EIF5: variants seen among roughly 807,000 people sequenced by gnomAD.
EIF5 encodes eukaryotic translation initiation factor 5.
EIF5 carries 10 observed loss-of-function variants against 48.3 expected under a neutral mutation model. The observed-to-expected ratio is 0.21, with a 90% CI of 0.13 to 0.35. The LOEUF is 0.35. Among genes scored for constraint, EIF5 ranks in the 10% least tolerant of loss-of-function variants. The pLI is 1.00. For synonymous variants in EIF5, 237 were observed against 173.1 expected, an observed-to-expected ratio of 1.37 and a Z score of -2.90; for missense variants, 397 against 533.2, an observed-to-expected ratio of 0.74 and a Z score of 2.51.
In EIF5 at chr14:103,342,018, C is replaced by G. The variant is rs536150108; in HGVS notation, c.*966C>G. Reference sequence around the variant, plus strand: ...TTCAGTGTGGCTTTAATTTTCCCCTCTTGCAGTTTGTTCTGTAATGCCTTT... The same window carrying G: ...TTCAGTGTGGCTTTAATTTTCCCCTGTTGCAGTTTGTTCTGTAATGCCTTT... On this transcript the variant is annotated 3_prime_UTR_variant, in exon 12 of 12. Transcript: ENST00000216554. 1.3e-5 allele frequency: 2 copies of G among 152,728 alleles called. No homozygotes were observed. Among genetic ancestry groups the G allele is most frequent in the East Asian group, 1.9e-4 (1 of 5,192 alleles). The allele number at this position is 152,728 out of a possible 1,614,324, so 9.5% of individuals were successfully genotyped here.
intron 2 of EIF5, 22 bp downstream of exon 2, chr14:103,334,619 C>CCAGGAGATGGCGGCCG (rs2089259778): frequency 1.3e-5 from 2 of 151,350 alleles, no homozygotes; most frequent in African/African-American, 4.9e-5. Context: ...GCGCGGCGGG[C>CCAGGAGATGGCGGCCG]CAGGAGATGG....
At position 103,341,077 on chromosome 14, in the gene EIF5, CA is replaced by C; in HGVS notation, c.*26del. The C allele has an allele frequency of 1.2e-6, 2 of 1,606,550 alleles. No homozygotes were observed. The highest frequency in any genetic ancestry group is 1.7e-6 in the Non-Finnish European group (2 of 1,173,856). On this transcript the variant is annotated 3_prime_UTR_variant, in exon 12 of 12. Coordinates refer to ENST00000216554, the MANE Select transcript of EIF5 (RefSeq NM_001969.5). The stretch of plus-strand genomic sequence containing the variant: ...AAGGGATGGATGCAACCTAGCTTAA[CA>C]GTATAATGCTGCAAATTTTCCTCCA...
rs2089377931 is a variant in EIF5 at position 103,343,527 on chromosome 14, T to A, written c.*2475T>A. 1 of 152,214 alleles carries A rather than the reference T, an allele frequency of 6.6e-6. No homozygotes were observed. Among genetic ancestry groups the A allele is most frequent in the African/African-American group, 2.4e-5 (1 of 41,454 alleles). 9.4% of individuals were successfully genotyped at this position (152,214 alleles called of 1,614,324 possible). On this transcript the variant is annotated 3_prime_UTR_variant, in exon 12 of 12. Coordinates refer to ENST00000216554, the MANE Select transcript of EIF5 (RefSeq NM_001969.5). Reference sequence around the variant, plus strand: ...TAAACAAGTGCATTCTGAAATTGACTTAAAAATTTTTAGTGTGGGTCCTAA... The same window carrying A: ...TAAACAAGTGCATTCTGAAATTGACATAAAAATTTTTAGTGTGGGTCCTAA...
chr14:103,341,963 C>G lies in EIF5; in HGVS notation c.*911C>G, dbSNP rs2089357851. The G allele has an allele frequency of 6.6e-6, 1 of 152,474 alleles. No homozygotes were observed. The highest frequency in any genetic ancestry group is 1.5e-5 in the Non-Finnish European group (1 of 67,968). 9.4% of individuals were successfully genotyped at this position (152,474 alleles called of 1,614,324 possible). ...TGCCCTTAGGGTTTAAATTACAATT[C>G]CAAAATGTTAGACATACTGTATTTT... On this transcript the variant is annotated 3_prime_UTR_variant, in exon 12 of 12. Transcript: ENST00000216554.
Position 103,336,081 on chromosome 14 carries a change from G to T in EIF5, c.118G>T (p.Val40Phe). The change falls in exon 4 of 12, where the codon GTT becomes TTT. Residue 40 changes from valine (V) to phenylalanine (F), a missense_variant. By Grantham distance (50) the Val-to-Phe change is conservative. Transcript: ENST00000216554. ...NGIKTVIVNMVDVAKALNRPP... is the reference protein window; with the variant it reads ...NGIKTVIVNMFDVAKALNRPP... ...AATCAAGACAGTTATAGTCAACATG[G>T]TTGACGTTGCAAAGGCGCTTAATCG... 1.9e-6 allele frequency: 3 copies of T among 1,614,168 alleles called. No individual in the cohort carries two copies. The highest frequency in any genetic ancestry group is 2.5e-6 in the Non-Finnish European group (3 of 1,180,032).
At chr14:103,339,566 C>T (rs535384715) in intron 9 of EIF5, 73 bp from the exon 10 acceptor site, 1,728 of 1,601,450 alleles carry the variant, frequency 1.1e-3, no homozygotes, top group Non-Finnish European at 1.4e-3. Context: ...TGCAGACACT[C>T]TTATTTGGGT....
Position 103,335,717 on chromosome 14 carries a change from C to G in EIF5, c.-144C>G. The G allele has an allele frequency of 1.3e-6, 1 of 787,806 alleles. No homozygotes were observed. Among genetic ancestry groups the G allele is most frequent in the Non-Finnish European group, 2.1e-6 (1 of 473,390 alleles). The allele number at this position is 787,806 out of a possible 1,614,324, so 48.8% of individuals were successfully genotyped here. A position where few individuals can be genotyped will look rare whatever the true frequency, so the allele number is the denominator to read the frequency against. ...TAGCATACAAGCAAGAAGCTTACAG[C>G]CTCAGTGGCGAAAATTTTTTCATGT... On this transcript the variant is annotated 5_prime_UTR_variant, in exon 3 of 12. Transcript: ENST00000216554.
intron 6 of EIF5, chr14:103,337,888 C>T: frequency 1.9e-6 from 1 of 521,444 alleles, no homozygotes; most frequent in Admixed American, 1.9e-5. Flanking sequence ...CTGTCTGACA[C>T]AATTTGAGCT....
chr14:103,342,680 A>G lies in EIF5; in HGVS notation c.*1628A>G, dbSNP rs2089367409. On this transcript the variant is annotated 3_prime_UTR_variant, in exon 12 of 12. Transcript: ENST00000216554. The stretch of plus-strand genomic sequence containing the variant: ...GAAACCTAGCAATCTTATTGGAGAG[A>G]CAAGAATTGGTCTCCAGCTGCCTTT... The G allele has an allele frequency of 6.5e-6, 1 of 152,680 alleles. No homozygotes were observed. The highest frequency in any genetic ancestry group is 6.5e-5 in the Admixed American group (1 of 15,286). 9.5% of individuals were successfully genotyped at this position (152,680 alleles called of 1,614,324 possible).
rs1329264952 is a variant in EIF5 at position 103,344,274 on chromosome 14, C to T, written c.*3222C>T. ...TCTGGTCTAGCCAAACAGTTTTTTT[C>T]TGGGAATCAAATTTCTGTGGTTTTT... On this transcript the variant is annotated 3_prime_UTR_variant, in exon 12 of 12. Transcript: ENST00000216554. 6.6e-6 allele frequency: 1 copy of T among 152,090 alleles called. No homozygotes were observed. The highest frequency in any genetic ancestry group is 2.4e-5 in the African/African-American group (1 of 41,412). 9.4% of individuals were successfully genotyped at this position (152,090 alleles called of 1,614,324 possible).
Position 103,344,182 on chromosome 14 carries a change from G to C in EIF5, c.*3130G>C, listed in dbSNP as rs995551310. 6.6e-6 allele frequency: 1 copy of C among 152,222 alleles called. No homozygotes were observed. The highest frequency in any genetic ancestry group is 2.4e-5 in the African/African-American group (1 of 41,448). The allele number at this position is 152,222 out of a possible 1,614,324, so 9.4% of individuals were successfully genotyped here. A position where few individuals can be genotyped will look rare whatever the true frequency, so the allele number is the denominator to read the frequency against. ...TTGCAGGTAGTCTCATTGTAGGTTT[G>C]TGCACCAGAGTGACCCTGTGAGCCT... On this transcript the variant is annotated 3_prime_UTR_variant, in exon 12 of 12. Transcript: ENST00000216554.
At chr14:103,338,951 G>C (rs752748168) in intron 8 of EIF5, 58 bp downstream of exon 8, 1 of 1,579,532 alleles carries the variant, frequency 6.3e-7, no homozygotes, top group Non-Finnish European at 8.6e-7. Context: ...TGTGCCTTTA[G>C]ATATATGATA....
In EIF5 at chr14:103,340,438, A is replaced by G. The variant is rs752190045; in HGVS notation, c.1083A>G (p.Lys361=). The G allele has an allele frequency of 2.5e-6, 4 of 1,601,828 alleles. No homozygotes were observed. Among genetic ancestry groups the G allele is most frequent in the Admixed American group, 3.3e-5 (2 of 59,852 alleles). The change falls in exon 11 of 12, where the codon AAA becomes AAG. Residue 361 remains lysine (K), a synonymous_variant. Transcript: ENST00000216554. The stretch of plus-strand genomic sequence containing the variant: ...CTCACATTTTTTAGGCCTCTAAGAA[A>G]TATGTCTCCAAAGAACTTGCCAAAG... ...IISWSEKASK[K]YVSKELAKEI...
At position 103,338,355 on chromosome 14, in the gene EIF5, AG is replaced by A; in HGVS notation, c.469del (p.Glu157LysfsTer70). 1 of 1,614,172 alleles carries A rather than the reference AG, an allele frequency of 6.2e-7. No homozygotes were observed. On this transcript the variant is annotated frameshift_variant, in exon 7 of 12. Transcript: ENST00000216554. LOFTEE classifies it high-confidence loss of function. ...ENSDSGTGKK[E>X]KEKKNRKGKD... ...ATAGTGACAGTGGTACAGGAAAGAA[AG>A]AAAAAGAAAAGAAAAACAGAAAGGG... is the stretch of plus-strand genomic sequence containing the variant.
At position 103,336,847 on chromosome 14, in the gene EIF5, T is replaced by C; in HGVS notation, c.325T>C (p.Leu109=). 6.2e-7 allele frequency: 1 copy of C among 1,612,272 alleles called. No homozygotes were observed. The highest frequency in any genetic ancestry group is 8.5e-7 in the Non-Finnish European group (1 of 1,179,476). The part of the protein sequence containing the change: ...CPECENPETD[L]HVNPKKQTIG... ...TGAATGTGAGAATCCTGAAACAGAT[T>C]TGGTAAGTGCTTTTGTGGTTGTCGA... The change falls in exon 5 of 12, where the codon TTG becomes CTG. Residue 109 remains leucine, a splice_region_variant and synonymous_variant. Transcript: ENST00000216554.
At position 103,338,149 on chromosome 14, in the gene EIF5, AC is replaced by A. The variant is rs2089311493; in HGVS notation, c.440-177del. ...ACTCCATTCTTAGACTAACATTCTT[AC>A]GTATGAAATACATGATGAATTTGAT... On this transcript the variant is annotated intron_variant, in intron 6 of 11. Coordinates refer to ENST00000216554, the MANE Select transcript of EIF5 (RefSeq NM_001969.5). 1.9e-5 allele frequency: 16 copies of A among 858,064 alleles called. No homozygotes were observed. The South Asian group carries it at 2.5e-4, about 13-fold the overall frequency. The allele number at this position is 858,064 out of a possible 1,614,324, so 53.2% of individuals were successfully genotyped here. A position where few individuals can be genotyped will look rare whatever the true frequency, so the allele number is the denominator to read the frequency against.
At chr14:103,336,878 A>G (rs2089293075) in intron 5 of EIF5, 29 bp downstream of exon 5, 2 of 1,598,726 alleles carry the variant, frequency 1.3e-6, no homozygotes, top group South Asian at 1.1e-5. Context: ...GTCGAAAGAA[A>G]AAGCCATATA....
intron 6 of EIF5, chr14:103,337,457 C>T (rs577058598): frequency 1.2e-5 from 6 of 504,308 alleles, no homozygotes; most frequent in Middle Eastern, 5.1e-4. Flanking sequence ...CAAAAACTAG[C>T]TTAGCATGGT....
rs2089395428 is a variant in EIF5 at position 103,344,810 on chromosome 14, AAAGT to A, written c.*3761_*3764del. On this transcript the variant is annotated 3_prime_UTR_variant, in exon 12 of 12. Coordinates refer to ENST00000216554, the MANE Select transcript of EIF5 (RefSeq NM_001969.5). ...GTTAACATTTTTAAAAATCCAAATG[AAAGT>A]AAATGGAATAAATGTATCAGGTAAA... 1 of 152,256 alleles carries A rather than the reference AAAGT, an allele frequency of 6.6e-6. No homozygotes were observed. The highest frequency in any genetic ancestry group is 1.5e-5 in the Non-Finnish European group (1 of 68,046). 9.4% of individuals were successfully genotyped at this position (152,256 alleles called of 1,614,324 possible).
Sources: gnomAD v4.1 joint callset for allele counts on GRCh38, gnomAD v4.1.1 for gene constraint, MANE v1.5 for transcripts, NCBI Gene and HGNC (gene_info 2026-07-23, HGNC 2026-07-21) for gene names.